Variants in AGAP1 observed in about 807,000 individuals in gnomAD.
AGAP1 encodes the protein ArfGAP with GTPase domain, ankyrin repeat and PH domain 1.
A neutral mutation model predicts 105.3 loss-of-function variants in AGAP1; 29 were observed. The ratio of observed to expected loss-of-function variants is 0.28; its 90% CI spans 0.21 to 0.38. The LOEUF is 0.38. Ranked by LOEUF, AGAP1 falls within the 10% of genes least tolerant of loss-of-function variation. The probability of loss-of-function intolerance (pLI) is 1.00; values close to 1 mark genes in which losing one functional copy is unlikely to be tolerated. For missense variants in AGAP1, 998 were observed against 1,165.1 expected (o/e 0.86, Z 2.09); for synonymous variants, 509 against 485.9 (o/e 1.05, Z -0.63).
rs1269666753 is a variant in AGAP1 at position 235,792,398 on chromosome 2, G to C, written c.674-5361G>C. Reference sequence around the variant, plus strand: ...GTACTAATGTGCGGAAATACCAGGAGTGGACAAGCCACCTTCCCCAAACAT... The same window carrying C: ...GTACTAATGTGCGGAAATACCAGGACTGGACAAGCCACCTTCCCCAAACAT... On this transcript the variant is annotated intron_variant, in intron 6 of 17. Transcript: ENST00000304032. The surrounding 1 kb of genome is among the most constrained non-coding windows in gnomAD (Gnocchi z 5.3). 6.6e-6 allele frequency among the ~76,000 whole-genome samples: 1 copy of C among 152,170 alleles called. No individual in the cohort carries two copies.
rs1169938452 is a variant in AGAP1, at chr2:236,083,394, A to G, written c.2114+34113A>G. On this transcript the variant is annotated intron_variant, in intron 16 of 17. Transcript: ENST00000304032. This position sits in a 1 kb window ranked among gnomAD's most constrained non-coding sequence, Gnocchi z 5.3. ...GGCTGATATTTTCTCTAAAGGAAAGATTAAAGGATTGTTTTCATTTTATTA... is the reference window on the plus strand; with the variant it reads ...GGCTGATATTTTCTCTAAAGGAAAGGTTAAAGGATTGTTTTCATTTTATTA... Among the ~76,000 whole-genome samples the G allele has an allele frequency of 1.3e-5, 2 of 152,206 alleles. No individual in the cohort carries two copies. Among genetic ancestry groups the G allele is most frequent in the Admixed American group, 6.5e-5 (1 of 15,280 alleles).
intron 1 of AGAP1, among the ~76,000 whole-genome samples, chr2:235,658,481 AAAGACTTTCCTGC>A (rs1240524593): frequency 4.7e-4 from 72 of 152,328 alleles, no homozygotes; most frequent in African/African-American, 1.5e-3. Flanking sequence ...TCTACACTTG[AAAGACTTTCCTGC>A]AGCCTCCCGG....
In AGAP1 at chr2:235,949,154, C is replaced by T. The variant is rs1266686651; in HGVS notation, c.1483+18231C>T. 1.1e-4 allele frequency among the ~76,000 whole-genome samples: 16 copies of T among 152,278 alleles called. No individual in the cohort carries two copies. The East Asian group carries it at 3.1e-3, about 29-fold the overall frequency. ...TTTTGTAAAGTGCCTGATGTGCAGTCAAATACAGGAAGGCCCCTTCTTTCA... is the reference window on the plus strand; with the variant it reads ...TTTTGTAAAGTGCCTGATGTGCAGTTAAATACAGGAAGGCCCCTTCTTTCA... On this transcript the variant is annotated intron_variant, in intron 12 of 17. Transcript: ENST00000304032.
intron 1 of AGAP1, among the ~76,000 whole-genome samples, chr2:235,685,183 C>T (rs577669762): frequency 2.2e-4 from 34 of 152,150 alleles, no homozygotes; most frequent in African/African-American, 7.7e-4. Context: ...TCTTTATTAC[C>T]CTGATGAGGA....
rs1371085180 is a variant in AGAP1 at position 236,078,299 on chromosome 2, C to A, written c.2114+29018C>A. Among the ~76,000 whole-genome samples the A allele has an allele frequency of 6.6e-6, 1 of 152,072 alleles. No individual in the cohort carries two copies. Among genetic ancestry groups the A allele is most frequent in the Non-Finnish European group, 1.5e-5 (1 of 68,012 alleles). ...ATCATCACGAAACCTGTTTTTTGCT[C>A]TTTGGGCTCTCACCTGATGGGATGA... On this transcript the variant is annotated intron_variant, in intron 16 of 17. Transcript: ENST00000304032. The surrounding 1 kb of genome is among the most constrained non-coding windows in gnomAD (Gnocchi z 5.3).
At chr2:235,862,802 C>T (rs1285637527) in intron 9 of AGAP1, among the ~76,000 whole-genome samples, 1 of 152,288 alleles carries the variant, frequency 6.6e-6, no homozygotes, top group East Asian at 1.9e-4. Flanking sequence ...TGAGGGCAGC[C>T]CTGGGTTGTT....
At position 235,578,243 on chromosome 2, in the gene AGAP1, C is replaced by T. The variant is rs923742348; in HGVS notation, c.163+83394C>T. The stretch of plus-strand genomic sequence containing the variant: ...GAGCCAGCCTGAGCTCCACGGTGCC[C>T]GTCTCCTACCTGCACTGTGCCCCCA... On this transcript the variant is annotated intron_variant, in intron 1 of 17. Transcript: ENST00000304032. This position sits in a 1 kb window ranked among gnomAD's most constrained non-coding sequence, Gnocchi z 4.9. Among the ~76,000 whole-genome samples the T allele has an allele frequency of 6.6e-5, 10 of 152,110 alleles. No homozygotes were observed. Among genetic ancestry groups the T allele is most frequent in the African/African-American group, 1.9e-4 (8 of 41,420 alleles).
intron 16 of AGAP1, among the ~76,000 whole-genome samples, chr2:236,093,231 G>T (rs2059109578): frequency 6.6e-6 from 1 of 152,138 alleles, no homozygotes; most frequent in Admixed American, 6.5e-5. Flanking sequence ...CCGCCTCAAG[G>T]TGTCAGCCCA....
chr2:235,943,362 A>ATTTTTTTTTTTT (rs562379887), intron 12 of AGAP1, among the ~76,000 whole-genome samples: 3 of 127,116 alleles, frequency 2.4e-5, no homozygotes, highest in African/African-American at 3.2e-5. Context: ...AAAGGACTTA[A>ATTTTTTTTTTTT]TTTTTTTTTT....
intron 3 of AGAP1, among the ~76,000 whole-genome samples, chr2:235,735,706 A>C (rs868161568): frequency 6.6e-6 from 1 of 152,096 alleles, no homozygotes; most frequent in African/African-American, 2.4e-5. Context: ...TTCTCTCTGC[A>C]GTGTGGGATT....
In AGAP1 at chr2:235,929,967, G is replaced by A. The variant is rs570684207; in HGVS notation, c.1325-798G>A. ...TTTTTAAAAAAGCCCCAGTACCTCC[G>A]AAGATCTGCAAATAGACCTAACAGA... On this transcript the variant is annotated intron_variant, in intron 11 of 17. Coordinates refer to ENST00000304032, the MANE Select transcript of AGAP1 (RefSeq NM_001037131.3). Among the ~76,000 whole-genome samples, 190 of 152,222 alleles carry A rather than the reference G, an allele frequency of 1.2e-3. 2 individuals carry two copies. Among genetic ancestry groups the A allele is most frequent in the Admixed American group, 3.3e-3 (50 of 15,294 alleles).
chr2:235,518,785 G>C (rs931457629), intron 1 of AGAP1, among the ~76,000 whole-genome samples: 2 of 152,206 alleles, frequency 1.3e-5, no homozygotes, highest in Non-Finnish European at 2.9e-5. Context: ...CAGAGGGATG[G>C]TGGCATAGCT....
At chr2:235,666,414 T>G (rs1308957942) in intron 1 of AGAP1, among the ~76,000 whole-genome samples, 1 of 152,124 alleles carries the variant, frequency 6.6e-6, no homozygotes, top group Non-Finnish European at 1.5e-5. Flanking sequence ...CGGGAGCATG[T>G]GTCTTCTTTG....
In AGAP1 at chr2:235,989,523, G is replaced by A. The variant is rs1218645539; in HGVS notation, c.1645+20900G>A. Among the ~76,000 whole-genome samples, 1 of 152,166 alleles carries A rather than the reference G, an allele frequency of 6.6e-6. No individual in the cohort carries two copies. Among genetic ancestry groups the A allele is most frequent in the Non-Finnish European group, 1.5e-5 (1 of 68,010 alleles). On this transcript the variant is annotated intron_variant, in intron 13 of 17. Coordinates refer to ENST00000304032, the MANE Select transcript of AGAP1 (RefSeq NM_001037131.3). The surrounding 1 kb of genome is among the most constrained non-coding windows in gnomAD (Gnocchi z 4.4). ...GCCCTAGGGAGGCAGCCCCAGGCAG[G>A]GCCTGGGCACACTGGTGGCGTAGCT...
intron 12 of AGAP1, among the ~76,000 whole-genome samples, chr2:235,968,123 A>G (rs2054483048): frequency 6.6e-6 from 1 of 152,228 alleles, no homozygotes; most frequent in African/African-American, 2.4e-5. Flanking sequence ...GGTAATTTTA[A>G]GAAGAGAAAG....
intron 7 of AGAP1, among the ~76,000 whole-genome samples, 177 bp downstream of exon 7, chr2:235,798,063 A>G (rs1957324303): frequency 6.6e-6 from 1 of 151,922 alleles, no homozygotes; most frequent in Non-Finnish European, 1.5e-5. Context: ...TTTTTATGGG[A>G]ATCATTCTTT....
At chr2:235,938,317 G>C (rs908550202) in intron 12 of AGAP1, among the ~76,000 whole-genome samples, 2 of 152,202 alleles carry the variant, frequency 1.3e-5, no homozygotes, top group East Asian at 1.9e-4. Context: ...GTCAAGGCTA[G>C]ATTCAAACAG....
chr2:235,818,696 TCCTC>T (rs1958603984), intron 9 of AGAP1, among the ~76,000 whole-genome samples: 3 of 152,044 alleles, frequency 2.0e-5, no homozygotes, highest in Non-Finnish European at 2.9e-5. Context: ...TCCTGCCTCA[TCCTC>T]CTAAGTAGCT....
rs1448385605 is a variant in AGAP1 at position 235,663,122 on chromosome 2, C to T, written c.164-46057C>T. On this transcript the variant is annotated intron_variant, in intron 1 of 17. Coordinates refer to ENST00000304032, the MANE Select transcript of AGAP1 (RefSeq NM_001037131.3). The surrounding 1 kb of genome is among the most constrained non-coding windows in gnomAD (Gnocchi z 5.4). ...GGTGGATCATCTGAGGTCAGCCTGA[C>T]CAACAAGGTGAAACCCTGTCTCTAC... is the stretch of plus-strand genomic sequence containing the variant. Among the ~76,000 whole-genome samples, 4 of 152,062 alleles carry T rather than the reference C, an allele frequency of 2.6e-5. No homozygotes were observed. Among genetic ancestry groups the T allele is most frequent in the African/African-American group, 4.8e-5 (2 of 41,400 alleles).
Sources: gnomAD v4.1 joint callset for allele counts (sites outside exome capture counted in the v4.1 genomes callset) on GRCh38, gnomAD v4.1.1 for gene constraint, Gnocchi (gnomAD v3.1) non-coding constraint, MANE v1.5 for transcripts, NCBI Gene and HGNC (gene_info 2026-07-23, HGNC 2026-07-21) for gene names.